The following CEP164 variants were observed in gnomAD, a reference collection of about 807,000 sequenced individuals.
CEP164 encodes the protein centrosomal protein of 164 kDa.
In CEP164, 162 loss-of-function variants were observed where a neutral mutation model predicts 182.7. The observed-to-expected ratio is 0.89, with a 90% CI of 0.78 to 1.01. The LOEUF is 1.01. CEP164 is among the 50% of genes least tolerant of loss of function. The pLI is 0.00. For synonymous variants in CEP164, 661 were observed against 690.0 expected (o/e 0.96, Z 0.66); for missense variants, 1,735 against 1,790.4 (o/e 0.97, Z 0.56).
chr11:117,396,204 G>A, intron 25 of CEP164, 24 bp downstream of exon 25: 1 of 1,599,658 alleles, frequency 6.3e-7, no homozygotes, highest in Non-Finnish European at 8.6e-7. Context: ...TGGGGCCTGG[G>A]GGCTGGGGCA....
chr11:117,334,120 C>T (rs1180404076), intron 1 of CEP164, among the ~76,000 whole-genome samples: 1 of 152,206 alleles, frequency 6.6e-6, no homozygotes, highest in African/African-American at 2.4e-5. Flanking sequence ...GTCTCCCTCC[C>T]TTCCCAGACG....
At chr11:117,383,106 G>A (rs954652187) in intron 14 of CEP164, among the ~76,000 whole-genome samples, 164 bp downstream of exon 14, 7 of 152,082 alleles carry the variant, frequency 4.6e-5, no homozygotes, top group African/African-American at 1.7e-4. Context: ...AGCCTTGAGA[G>A]CCCCACACAG....
At chr11:117,362,754 A>G (rs998133732) in intron 7 of CEP164, among the ~76,000 whole-genome samples, 1 of 151,974 alleles carries the variant, frequency 6.6e-6, no homozygotes, top group Non-Finnish European at 1.5e-5. Context: ...CGCCGCCACT[A>G]TTCATTTCTA....
At chr11:117,396,690 G>C in intron 26 of CEP164, 79 bp downstream of exon 26, 1 of 1,097,532 alleles carries the variant, frequency 9.1e-7, no homozygotes, top group Non-Finnish European at 1.4e-6. Context: ...TAGAGCTGGG[G>C]TGAGCTGAAG....
In CEP164 at chr11:117,409,444, A is replaced by C. The variant is rs2047074485; in HGVS notation, c.3749-174A>C. 1 of 641,626 alleles carries C rather than the reference A, an allele frequency of 1.6e-6. No homozygotes were observed. 39.7% of individuals were successfully genotyped at this position (641,626 alleles called of 1,614,324 possible). On this transcript the variant is annotated intron_variant, in intron 29 of 32. Coordinates refer to ENST00000278935, the MANE Select transcript of CEP164 (RefSeq NM_014956.5). The surrounding 1 kb of genome is among the most constrained non-coding windows in gnomAD (Gnocchi z 4.4). ...TTCTCATGGCCAGCTTCTCACTTGCACTGTCTGGAACACAGAAGCCCTGCC... is the reference window on the plus strand; with the variant it reads ...TTCTCATGGCCAGCTTCTCACTTGCCCTGTCTGGAACACAGAAGCCCTGCC...
intron 27 of CEP164, among the ~76,000 whole-genome samples, chr11:117,398,731 T>C (rs369590647): frequency 6.6e-6 from 1 of 152,208 alleles, no homozygotes; most frequent in East Asian, 1.9e-4. Context: ...CTTTTAGCAA[T>C]GGCTGGAGTG....
chr11:117,355,503 C>T, intron 5 of CEP164: 2 of 1,289,030 alleles, frequency 1.6e-6, no homozygotes, highest in South Asian at 1.2e-5. Context: ...CTGAGCCCCA[C>T]TGGCCCTGGA....
rs1224594180 is a variant in CEP164 at position 117,357,921 on chromosome 11, C to T, written c.394-3914C>T. 4.6e-5 allele frequency among the ~76,000 whole-genome samples: 7 copies of T among 152,302 alleles called. No homozygotes were observed. The South Asian group carries it at 1.2e-3, about 27-fold the overall frequency. On this transcript the variant is annotated intron_variant, in intron 5 of 32. Transcript: ENST00000278935. ...GATTTATCAAATGGCTGACCTTGCC[C>T]TATCATTCTACCTTTGTCCCTTTAA...
At position 117,411,204 on chromosome 11, in the gene CEP164, CGCCCCTCCCTCTA is replaced by C. The variant is rs980054224; in HGVS notation, c.4163+319_4163+331del. The C allele has an allele frequency of 7.5e-5, 27 of 360,596 alleles. No individual in the cohort carries two copies. Among genetic ancestry groups the C allele is most frequent in the African/African-American group, 5.5e-4 (27 of 49,288 alleles). 22.3% of individuals were successfully genotyped at this position (360,596 alleles called of 1,614,324 possible). A position where few individuals can be genotyped will look rare whatever the true frequency, so the allele number is the denominator to read the frequency against. ...TCAGCCCCTGGTGGGACCCTGCCCC[CGCCCCTCCCTCTA>C]GCCCCTCCAGCCCCGGAGTCTGGCC... On this transcript the variant is annotated intron_variant, in intron 31 of 32. Transcript: ENST00000278935. The surrounding 1 kb of genome is among the most constrained non-coding windows in gnomAD (Gnocchi z 4.4).
chr11:117,391,610 C>G (rs771941104), intron 17 of CEP164, among the ~76,000 whole-genome samples: 10 of 152,110 alleles, frequency 6.6e-5, no homozygotes, highest in Non-Finnish European at 1.5e-4. Context: ...GGCGCTCTGT[C>G]CCTCACTGTC....
rs780364658 is a variant in CEP164, at chr11:117,371,458, G to A, written c.1144G>A (p.Ala382Thr). 14 of 1,607,742 alleles carry A rather than the reference G, an allele frequency of 8.7e-6. No homozygotes were observed. Among genetic ancestry groups the A allele is most frequent in the Non-Finnish European group, 1.2e-5 (14 of 1,177,462 alleles). The change falls in exon 9 of 33, where the codon GCC becomes ACC. Residue 382 changes from alanine (A) to threonine (T), a missense_variant. Transcript: ENST00000278935. Reference protein sequence around the residue: ...ASALEEGSSDASQELEISEHM... With the variant: ...ASALEEGSSDTSQELEISEHM... ...TGCTCTGGAAGAGGGCAGTTCAGAC[G>A]CCAGCCAAGTAAGTCACTGTATCCC...
chr11:117,323,112 G>A (rs1179850975), upstream of CEP164, among the ~76,000 whole-genome samples: 4 of 151,974 alleles, frequency 2.6e-5, no homozygotes, highest in South Asian at 2.1e-4. Flanking sequence ...CGTTGGCCAG[G>A]CTGGTCTTGA....
At chr11:117,368,097 A>G (rs2135835097) in intron 8 of CEP164, among the ~76,000 whole-genome samples, 1 of 152,354 alleles carries the variant, frequency 6.6e-6, no homozygotes, top group South Asian at 2.1e-4. Flanking sequence ...CTAGAAACTA[A>G]GTACTGAGGA....
intron 23 of CEP164, 61 bp from the exon 24 acceptor site, chr11:117,395,486 C>G (rs537458884): frequency 7.2e-6 from 11 of 1,531,782 alleles, no homozygotes; most frequent in Middle Eastern, 2.2e-4. Context: ...CTCGTGCTGT[C>G]TGCTCCCTGG....
chr11:117,367,136 C>G (rs2041725704), intron 8 of CEP164, among the ~76,000 whole-genome samples: 1 of 152,208 alleles, frequency 6.6e-6, no homozygotes, highest in African/African-American at 2.4e-5. Context: ...GAGTGTATAC[C>G]TGGTTGGAGC....
intron 8 of CEP164, among the ~76,000 whole-genome samples, chr11:117,370,246 G>C (rs541008280): frequency 1.3e-5 from 2 of 151,946 alleles, no homozygotes; most frequent in African/African-American, 4.8e-5. Context: ...CTGTCTCCGA[G>C]GCTGCTGCTG....
At chr11:117,339,529 T>G (rs914145778) in intron 3 of CEP164, among the ~76,000 whole-genome samples, 16 of 125,890 alleles carry the variant, frequency 1.3e-4, no homozygotes, top group East Asian at 9.4e-4. Context: ...TTTGTTTTTT[T>G]TTTTTTTTTT....
chr11:117,409,357 C>G lies in CEP164; in HGVS notation c.3749-261C>G. The G allele has an allele frequency of 1.7e-6, 1 of 574,412 alleles. No homozygotes were observed. The highest frequency in any genetic ancestry group is 3.1e-6 in the Non-Finnish European group (1 of 324,956). The allele number at this position is 574,412 out of a possible 1,614,324, so 35.6% of individuals were successfully genotyped here. ...GGCCTGTATGTGACAGAAGGGCCCT[C>G]TCCCCTTCCTTCTCTCTGGGGTCCT... On this transcript the variant is annotated intron_variant, in intron 29 of 32. Coordinates refer to ENST00000278935, the MANE Select transcript of CEP164 (RefSeq NM_014956.5). This position sits in a 1 kb window ranked among gnomAD's most constrained non-coding sequence, Gnocchi z 4.4.
rs561358270 is a variant in CEP164 at position 117,385,327 on chromosome 11, T to G, written c.1725-1876T>G. On this transcript the variant is annotated intron_variant, in intron 14 of 32. Coordinates refer to ENST00000278935, the MANE Select transcript of CEP164 (RefSeq NM_014956.5). The stretch of plus-strand genomic sequence containing the variant: ...TGTTTCTTCCCCTGGAGTCCTCAAC[T>G]TCCCAATCATGTCATGGACCTTTCA... The G allele has an allele frequency of 2.6e-5, 4 of 152,362 alleles. No homozygotes were observed. In the South Asian group the frequency reaches 8.3e-4, roughly 32 times the overall value. The allele number at this position is 152,362 out of a possible 1,614,324, so 9.4% of individuals were successfully genotyped here.
Sources: allele counts gnomAD v4.1 joint callset (sites outside exome capture counted in the v4.1 genomes callset), GRCh38; gene constraint gnomAD v4.1.1; non-coding constraint Gnocchi (gnomAD v3.1); transcripts MANE v1.5; gene names NCBI Gene and HGNC (gene_info 2026-07-23, HGNC 2026-07-21).